UGT1A9: variants seen among roughly 807,000 people sequenced by gnomAD.
UGT1A9 encodes UDP glucuronosyltransferase family 1 member A9.
UGT1A9 carries 35 observed loss-of-function variants against 45.0 expected under a neutral mutation model. That is an observed-to-expected ratio of 0.78 (90% CI 0.59 to 1.03). UGT1A9 has a LOEUF of 1.03. Among genes scored for constraint, UGT1A9 ranks in the 50% least tolerant of loss-of-function variants. The probability of loss-of-function intolerance (pLI) is 0.00; values close to 1 mark genes in which losing one functional copy is unlikely to be tolerated. For missense variants in UGT1A9, 687 were observed against 666.6 expected (o/e 1.03, Z -0.34); for synonymous variants, 278 against 250.6 (o/e 1.11, Z -1.03).
intron 1 of UGT1A9, among the ~76,000 whole-genome samples, chr2:233,720,278 T>G (rs1449886876): frequency 6.6e-6 from 1 of 151,854 alleles, no homozygotes; most frequent in Non-Finnish European, 1.5e-5. Flanking sequence ...CTGAGAAAAG[T>G]TTTTCTGACC....
chr2:233,718,088 T>C (rs993085528), intron 1 of UGT1A9: 4 of 337,804 alleles, frequency 1.2e-5, no homozygotes, highest in African/African-American at 2.1e-5. Flanking sequence ...GTCTTGCCCA[T>C]GTGTGCTTTA....
At chr2:233,720,813 C>T (rs929586898) in intron 1 of UGT1A9, among the ~76,000 whole-genome samples, 31 of 151,162 alleles carry the variant, frequency 2.1e-4, no homozygotes, top group Non-Finnish European at 4.3e-4. Context: ...TTAAGAAATT[C>T]TCCCACCTCA....
At chr2:233,679,324 G>A (rs894349525) in intron 1 of UGT1A9, among the ~76,000 whole-genome samples, 2 of 152,178 alleles carry the variant, frequency 1.3e-5, no homozygotes, top group East Asian at 1.9e-4. Flanking sequence ...CAGAAAACGC[G>A]TTCTTATTGT....
At chr2:233,740,329 G>C (rs1400491740) in intron 1 of UGT1A9, among the ~76,000 whole-genome samples, 1 of 151,932 alleles carries the variant, frequency 6.6e-6, no homozygotes, top group Admixed American at 6.5e-5. Context: ...TGCATTTATT[G>C]AGAAAGTTGA....
chr2:233,717,022 C>A (rs889344581), intron 1 of UGT1A9, among the ~76,000 whole-genome samples: 1 of 152,198 alleles, frequency 6.6e-6, no homozygotes, highest in African/African-American at 2.4e-5. Context: ...AAGGCACCAC[C>A]ATCTTCCAAG....
chr2:233,713,544 A>C, intron 1 of UGT1A9: 2 of 1,613,986 alleles, frequency 1.2e-6, no homozygotes, highest in Non-Finnish European at 1.7e-6. Flanking sequence ...CTTTAAGGGC[A>C]CACAGTGTCC....
At chr2:233,736,981 G>C (rs1363558721) in intron 1 of UGT1A9, among the ~76,000 whole-genome samples, 4 of 152,198 alleles carry the variant, frequency 2.6e-5, no homozygotes, top group Non-Finnish European at 5.9e-5. Flanking sequence ...TCCCAGTCAA[G>C]ATACACAGAG....
intron 1 of UGT1A9, among the ~76,000 whole-genome samples, chr2:233,737,056 C>T (rs372490869): frequency 3.3e-5 from 5 of 152,206 alleles, no homozygotes; most frequent in South Asian, 2.1e-4. Context: ...ACTAGGAGAA[C>T]GAGTGCTCTC....
intron 1 of UGT1A9, among the ~76,000 whole-genome samples, chr2:233,749,659 C>T (rs1400129008): frequency 6.6e-6 from 1 of 151,752 alleles, no homozygotes. Context: ...AATTGTAATC[C>T]CCATAATCCC....
rs1162571457 is a variant in UGT1A9, at chr2:233,687,640, C to T, written c.855+14851C>T. On this transcript the variant is annotated intron_variant, in intron 1 of 4. Transcript: ENST00000354728. ...AAAAAAGGCTGAGTGTGGTGGCTCA[C>T]ACATGTAATCACAGCACTTTAGGAG... Among the ~76,000 whole-genome samples the T allele has an allele frequency of 2.7e-5, 4 of 148,300 alleles. No homozygotes were observed. The South Asian group carries it at 6.4e-4, about 24-fold the overall frequency.
chr2:233,683,553 C>T (rs989486799), intron 1 of UGT1A9, among the ~76,000 whole-genome samples: 1 of 152,058 alleles, frequency 6.6e-6, no homozygotes, highest in Admixed American at 6.6e-5. Context: ...TGAGATTGGC[C>T]TTCTTTTGCT....
chr2:233,672,645 A>C lies in UGT1A9; in HGVS notation c.711A>C (p.Thr237=), dbSNP rs754009604. The change falls in exon 1 of 5, where the codon ACA becomes ACC. Residue 237 remains threonine, a synonymous_variant. Transcript: ENST00000354728. ...AAATAGCCTCTGAAATTCTCCAAACACCTGTTACGGAGTATGATCTCTACA... is the reference window on the plus strand; with the variant it reads ...AAATAGCCTCTGAAATTCTCCAAACCCCTGTTACGGAGTATGATCTCTACA... ...ALEIASEILQ[T]PVTEYDLYSH... 2 of 1,613,786 alleles carry C rather than the reference A, an allele frequency of 1.2e-6. No homozygotes were observed. The highest frequency in any genetic ancestry group is 2.2e-5 in the East Asian group (1 of 44,876).
chr2:233,728,352 A>G (rs1195036531), intron 1 of UGT1A9, among the ~76,000 whole-genome samples: 1 of 152,154 alleles, frequency 6.6e-6, no homozygotes, highest in Non-Finnish European at 1.5e-5. Context: ...GGTGAGCAGG[A>G]GCTCCCTGAA....
chr2:233,743,058 A>G lies in UGT1A9; in HGVS notation c.856-23976A>G, dbSNP rs79897461. ...GTCCTATCCGTGTAGTCCCAACGAT[A>G]AGAACAGGTGTTGGCATGAAGTGTT... On this transcript the variant is annotated intron_variant, in intron 1 of 4. Coordinates refer to ENST00000354728, the MANE Select transcript of UGT1A9 (RefSeq NM_021027.3). The G allele has an allele frequency of 7.7e-5, 25 of 325,552 alleles. No homozygotes were observed. The East Asian group carries it at 1.9e-3, about 25-fold the overall frequency. The allele number at this position is 325,552 out of a possible 1,614,324, so 20.2% of individuals were successfully genotyped here. A position where few individuals can be genotyped will look rare whatever the true frequency, so the allele number is the denominator to read the frequency against.
rs193018729 is a variant in UGT1A9, at chr2:233,679,941, T to A, written c.855+7152T>A. Reference sequence around the variant, plus strand: ...GACAAAAATGTATTTCACAAAAAGATGCGAGGTTTGGCTCCTGCTGGCATA... The same window carrying A: ...GACAAAAATGTATTTCACAAAAAGAAGCGAGGTTTGGCTCCTGCTGGCATA... On this transcript the variant is annotated intron_variant, in intron 1 of 4. Coordinates refer to ENST00000354728, the MANE Select transcript of UGT1A9 (RefSeq NM_021027.3). Among the ~76,000 whole-genome samples the A allele has an allele frequency of 8.6e-3, 1,308 of 152,262 alleles. 7 individuals are homozygous for A. The highest frequency in any genetic ancestry group is 0.013 in the Non-Finnish European group (864 of 67,994).
intron 1 of UGT1A9, among the ~76,000 whole-genome samples, chr2:233,694,916 G>A (rs1410139642): frequency 2.0e-5 from 3 of 152,208 alleles, no homozygotes; most frequent in African/African-American, 4.8e-5. Context: ...CGTATACAAT[G>A]TGCGATGATC....
chr2:233,682,354 G>C lies in UGT1A9; in HGVS notation c.855+9565G>C, dbSNP rs114052958. ...GAAAATTAGTAGAATACTTAAAGGA[G>C]AGTTGTTTTGATGCAGTGTTTCTCG... On this transcript the variant is annotated intron_variant, in intron 1 of 4. Coordinates refer to ENST00000354728, the MANE Select transcript of UGT1A9 (RefSeq NM_021027.3). 2.0e-3 allele frequency: 3,285 copies of C among 1,614,052 alleles called. 33 individuals are homozygous for C. In the African/African-American group the frequency reaches 0.03, roughly 15 times the overall value.
At position 233,769,644 on chromosome 2, in the gene UGT1A9, G is replaced by A; in HGVS notation, c.1295+1205G>A. ...CAAGGGACAACAGGGGAGGACTGAT[G>A]ACTGACTTCCCACCTTTGAGGTGCT... On this transcript the variant is annotated intron_variant, in intron 4 of 4. Transcript: ENST00000354728. This position sits in a 1 kb window ranked among gnomAD's most constrained non-coding sequence, Gnocchi z 4.4. The A allele has an allele frequency of 6.2e-7, 1 of 1,608,954 alleles. No individual in the cohort carries two copies. Among genetic ancestry groups the A allele is most frequent in the South Asian group, 1.1e-5 (1 of 90,446 alleles).
At chr2:233,720,432 T>G (rs1054639821) in intron 1 of UGT1A9, among the ~76,000 whole-genome samples, 2 of 151,984 alleles carry the variant, frequency 1.3e-5, no homozygotes, top group Non-Finnish European at 2.9e-5. Flanking sequence ...GATAAGACCG[T>G]GAATCTATAA....
Sources: gnomAD v4.1 joint callset for allele counts (sites outside exome capture counted in the v4.1 genomes callset) on GRCh38, gnomAD v4.1.1 for gene constraint, Gnocchi (gnomAD v3.1) non-coding constraint, MANE v1.5 for transcripts, NCBI Gene and HGNC (gene_info 2026-07-23, HGNC 2026-07-21) for gene names.